The following NPHP1 variants were observed in gnomAD, a reference collection of about 807,000 sequenced individuals.
NPHP1 encodes nephrocystin 1, also known as nephrocystin-1.
A neutral mutation model predicts 90.4 loss-of-function variants in NPHP1; 70 were observed. The observed-to-expected ratio is 0.77, with a 90% confidence interval of 0.64 to 0.95. NPHP1 has a LOEUF of 0.95. NPHP1 is among the 40% of genes least tolerant of loss of function. The pLI is 0.00. For synonymous variants in NPHP1, 256 were observed against 271.7 expected (o/e 0.94, Z 0.57); for missense variants, 764 against 795.9 (o/e 0.96, Z 0.48).
chr2:110,167,300 G>C (rs1262039003), intron 6 of NPHP1, among the ~76,000 whole-genome samples: 1 of 152,042 alleles, frequency 6.6e-6, no homozygotes, highest in Non-Finnish European at 1.5e-5. Context: ...GAAGGGGACA[G>C]GTTACCAGAA....
intron 1 of NPHP1, 27 bp downstream of exon 1, chr2:110,204,873 A>C: frequency 6.2e-7 from 1 of 1,611,752 alleles, no homozygotes; most frequent in African/African-American, 1.3e-5. Context: ...CGCCCGCCCC[A>C]GGGCCCTCTG....
At chr2:110,147,035 C>A (rs1029156858) in intron 13 of NPHP1, among the ~76,000 whole-genome samples, 200 bp from the exon 14 acceptor site, 4 of 152,104 alleles carry the variant, frequency 2.6e-5, no homozygotes, top group Non-Finnish European at 5.9e-5. Flanking sequence ...AAGTGATAAT[C>A]ATATTTTGTC....
chr2:110,152,312 C>T (rs917587108), intron 11 of NPHP1, among the ~76,000 whole-genome samples: 1 of 151,190 alleles, frequency 6.6e-6, no homozygotes, highest in East Asian at 1.9e-4. Context: ...TAAGAATGTA[C>T]AAGAACTTCT....
At chr2:110,135,650 C>T (rs1680124640) in intron 16 of NPHP1, among the ~76,000 whole-genome samples, 1 of 151,800 alleles carries the variant, frequency 6.6e-6, no homozygotes, top group Non-Finnish European at 1.5e-5. Flanking sequence ...AATATATAAA[C>T]TCTGTCATTA....
chr2:110,185,771 A>G (rs1372312501), intron 2 of NPHP1, among the ~76,000 whole-genome samples: 2 of 152,086 alleles, frequency 1.3e-5, no homozygotes, highest in Non-Finnish European at 2.9e-5. Context: ...GTCAGGAGGG[A>G]GCAGGAAGCC....
At chr2:110,155,016 G>A (rs1474700843) in intron 11 of NPHP1, among the ~76,000 whole-genome samples, 1 of 152,094 alleles carries the variant, frequency 6.6e-6, no homozygotes, top group Admixed American at 6.5e-5. Flanking sequence ...AGGCCAGGAG[G>A]CCTAGGAGGA....
In NPHP1 at chr2:110,144,525, C is replaced by T; in HGVS notation, c.1397G>A (p.Gly466Asp). 6.2e-7 allele frequency: 1 copy of T among 1,607,060 alleles called. No homozygotes were observed. Among genetic ancestry groups the T allele is most frequent in the Non-Finnish European group, 8.5e-7 (1 of 1,173,822 alleles). ...FLNGGTPYEK[G>D]IEVDPSISRR... is the part of the protein sequence containing the mutation. ...GGATATTGAAGGGTCCACTTCAATA[C>T]CTTTTTCATAAGGAGTACCACCATT... The change falls in exon 15 of 20, where the codon GGT becomes GAT. Residue 466 changes from glycine to aspartate, a missense_variant. Physicochemically the swap from Gly to Asp is moderately conservative, Grantham distance 94. Transcript: ENST00000445609.
chr2:110,150,023 G>C (rs1460253422), intron 12 of NPHP1, among the ~76,000 whole-genome samples, 159 bp downstream of exon 12: 1 of 152,124 alleles, frequency 6.6e-6, no homozygotes, highest in Non-Finnish European at 1.5e-5. Context: ...ACTAACATTG[G>C]TGAGTCAGAA....
intron 1 of NPHP1, among the ~76,000 whole-genome samples, chr2:110,204,400 A>G (rs888850807): frequency 3.9e-5 from 6 of 152,104 alleles, no homozygotes; most frequent in Admixed American, 3.9e-4. Context: ...CATTTATCAG[A>G]TCTTAATGTT....
intron 12 of NPHP1, among the ~76,000 whole-genome samples, chr2:110,148,347 C>A (rs1280491197): frequency 1.3e-5 from 2 of 152,096 alleles, no homozygotes; most frequent in East Asian, 3.9e-4. Context: ...CTTCCTGAGG[C>A]CTCCCTAGAA....
chr2:110,166,352 A>G (rs766324587), intron 6 of NPHP1, among the ~76,000 whole-genome samples: 1 of 152,146 alleles, frequency 6.6e-6, no homozygotes, highest in African/African-American at 2.4e-5. Context: ...TCCTTTTTCA[A>G]ACAAAATCCC....
intron 2 of NPHP1, among the ~76,000 whole-genome samples, chr2:110,198,785 A>C (rs1357813061): frequency 7.2e-6 from 1 of 139,296 alleles, no homozygotes; most frequent in African/African-American, 2.6e-5. Context: ...GGATGGTACT[A>C]GCAGGAAGGA....
intron 19 of NPHP1, 80 bp from the exon 20 acceptor site, chr2:110,124,143 C>T: frequency 6.5e-7 from 1 of 1,539,510 alleles, no homozygotes; most frequent in Non-Finnish European, 9.0e-7. Context: ...CTAAAAGCCA[C>T]CTAAGAGGTA....
intron 19 of NPHP1, chr2:110,124,767 G>A (rs1679231159): frequency 1.2e-5 from 2 of 173,394 alleles, no homozygotes; most frequent in Non-Finnish European, 2.5e-5. Flanking sequence ...ACAGGCCCAA[G>A]GCTGCTGTAC....
chr2:110,189,827 A>G (rs936698395), intron 2 of NPHP1, among the ~76,000 whole-genome samples: 10 of 152,128 alleles, frequency 6.6e-5, no homozygotes, highest in Non-Finnish European at 1.2e-4. Flanking sequence ...TCCCCACCAG[A>G]GTAGTTAGAT....
chr2:110,141,058 T>G (rs1256719533), intron 16 of NPHP1, among the ~76,000 whole-genome samples: 2 of 152,156 alleles, frequency 1.3e-5, no homozygotes, highest in Non-Finnish European at 2.9e-5. Flanking sequence ...TGCAACAGTC[T>G]CTGTCCCATG....
intron 2 of NPHP1, among the ~76,000 whole-genome samples, chr2:110,181,363 C>A (rs1220506964): frequency 1.3e-5 from 2 of 152,148 alleles, no homozygotes; most frequent in South Asian, 4.1e-4. Context: ...GGGTTTCCAG[C>A]CACCTCCTAC....
At chr2:110,143,813 T>C in intron 15 of NPHP1, 172 bp from the exon 16 acceptor site, 3 of 606,922 alleles carry the variant, frequency 4.9e-6, no homozygotes, top group South Asian at 1.9e-5. Context: ...GGGCACAGGA[T>C]TGTTTGCTAA....
rs200393791 is a variant in NPHP1 at position 110,168,575 on chromosome 2, C to T, written c.523-22G>A. On this transcript the variant is annotated intron_variant, in intron 5 of 19. Transcript: ENST00000445609. ...CTTTCTTAAAGCAAAACAAAGTAAA[C>T]CATTTTAAATAAAATTCAATAATCA... 131 of 1,461,254 alleles carry T rather than the reference C, an allele frequency of 9.0e-5. No homozygotes were observed. The African/African-American group carries it at 1.1e-3, about 12-fold the overall frequency. The allele number at this position is 1,461,254 out of a possible 1,614,324, so 90.5% of individuals were successfully genotyped here. A position where few individuals can be genotyped will look rare whatever the true frequency, so the allele number is the denominator to read the frequency against.
Sources: gnomAD v4.1 joint callset for allele counts (sites outside exome capture counted in the v4.1 genomes callset) on GRCh38, gnomAD v4.1.1 for gene constraint, MANE v1.5 for transcripts, NCBI Gene and HGNC (gene_info 2026-07-23, HGNC 2026-07-21) for gene names.